Variants in COX10 observed in about 807,000 individuals in gnomAD.
COX10 encodes the protein protoheme IX farnesyltransferase, mitochondrial.
COX10 carries 27 observed loss-of-function variants against 37.3 expected under a neutral mutation model. The ratio of observed to expected loss-of-function variants is 0.72; its 90% CI spans 0.53 to 1.00. COX10 has a LOEUF of 1.00. Ranked by LOEUF, COX10 falls within the 50% of genes least tolerant of loss-of-function variation. The pLI is 0.00. For missense variants in COX10, 475 were observed against 563.2 expected (o/e 0.84, Z 1.59); for synonymous variants, 222 against 229.1 (o/e 0.97, Z 0.28).
In COX10 at chr17:14,075,812, A is replaced by G. The variant is rs546015508; in HGVS notation, c.178-923A>G. Among the ~76,000 whole-genome samples the G allele has an allele frequency of 2.6e-3, 396 of 151,660 alleles. 2 individuals are homozygous for G. Among genetic ancestry groups the G allele is most frequent in the African/African-American group, 9.1e-3 (375 of 41,342 alleles). On this transcript the variant is annotated intron_variant, in intron 2 of 6. Coordinates refer to ENST00000261643, the MANE Select transcript of COX10 (RefSeq NM_001303.4). ...GAGACCATCCTGGCTAACACGGTGAAACCCTGTCTCTACTAAAAAGTAAAA... is the reference window on the plus strand; with the variant it reads ...GAGACCATCCTGGCTAACACGGTGAGACCCTGTCTCTACTAAAAAGTAAAA...
At chr17:14,071,186 C>T (rs967526826) in intron 1 of COX10, among the ~76,000 whole-genome samples, 5 of 152,100 alleles carry the variant, frequency 3.3e-5, no homozygotes, top group African/African-American at 7.2e-5. Context: ...GAGGTTTTTC[C>T]AGCATGCATC....
In COX10 at chr17:14,207,385, C is replaced by T. The variant is rs1906744174; in HGVS notation, c.*172C>T. ...TTTTTTAAATATTACCCAAAATGCT[C>T]CCCAAATAAGAAATGCATCAGCTCA... On this transcript the variant is annotated 3_prime_UTR_variant, in exon 7 of 7. Transcript: ENST00000261643. 2 of 850,564 alleles carry T rather than the reference C, an allele frequency of 2.4e-6. No homozygotes were observed. The highest frequency in any genetic ancestry group is 2.1e-5 in the South Asian group (1 of 47,812). The allele number at this position is 850,564 out of a possible 1,614,324, so 52.7% of individuals were successfully genotyped here.
intron 3 of COX10, among the ~76,000 whole-genome samples, chr17:14,093,126 T>C (rs1314164055): frequency 1.3e-5 from 2 of 152,228 alleles, no homozygotes; most frequent in Non-Finnish European, 2.9e-5. Context: ...ATTACAAGGG[T>C]AATTTGAAAT....
chr17:14,079,898 G>T (rs1436892162), intron 3 of COX10, among the ~76,000 whole-genome samples: 1 of 151,240 alleles, frequency 6.6e-6, no homozygotes, highest in Admixed American at 6.6e-5. Flanking sequence ...ACACAGTTTT[G>T]CAACATGCCA....
chr17:14,081,960 T>C (rs1033622922), intron 3 of COX10, among the ~76,000 whole-genome samples: 17 of 152,098 alleles, frequency 1.1e-4, no homozygotes, highest in African/African-American at 3.4e-4. Context: ...ATAAGTGGAA[T>C]TTGAGTTGCT....
intron 3 of COX10, among the ~76,000 whole-genome samples, chr17:14,080,564 C>G (rs530023705): frequency 3.9e-5 from 6 of 152,316 alleles, no homozygotes; most frequent in East Asian, 1.9e-4. Context: ...CATAAGCAGT[C>G]TTTACCAGTT....
chr17:14,073,245 A>T (rs534230901), intron 1 of COX10, among the ~76,000 whole-genome samples: 9 of 152,186 alleles, frequency 5.9e-5, no homozygotes, highest in Non-Finnish European at 1.3e-4. Flanking sequence ...ATGTAAGATG[A>T]TGAATGTAAG....
At chr17:14,156,208 C>A (rs1485306960) in intron 4 of COX10, among the ~76,000 whole-genome samples, 1 of 152,182 alleles carries the variant, frequency 6.6e-6, no homozygotes, top group Admixed American at 6.5e-5. Flanking sequence ...TCAGGTTGCA[C>A]AGCCACTATT....
chr17:14,171,067 G>A (rs1242338654), intron 5 of COX10, among the ~76,000 whole-genome samples: 4 of 152,002 alleles, frequency 2.6e-5, no homozygotes, highest in Non-Finnish European at 5.9e-5. Context: ...AAAAACACAC[G>A]CTGAATAAGC....
At position 14,206,904 on chromosome 17, in the gene COX10, C is replaced by T; in HGVS notation, c.1023C>T (p.Gly341=). 6.2e-7 allele frequency: 1 copy of T among 1,613,966 alleles called. No homozygotes were observed. Among genetic ancestry groups the T allele is most frequent in the Middle Eastern group, 1.7e-4 (1 of 6,060 alleles). The part of the protein sequence containing the change: ...WGLREDYSRG[G]YCMMSVTHPG... ...TCCGTGAAGACTACTCCCGGGGCGG[C>T]TACTGCATGATGTCGGTCACCCACC... is the stretch of plus-strand genomic sequence containing the variant. The change falls in exon 7 of 7, where the codon GGC becomes GGT. Residue 341 remains glycine, a synonymous_variant. Coordinates refer to ENST00000261643, the MANE Select transcript of COX10 (RefSeq NM_001303.4).
At chr17:14,079,501 G>A (rs939678474) in intron 3 of COX10, among the ~76,000 whole-genome samples, 2 of 152,124 alleles carry the variant, frequency 1.3e-5, no homozygotes, top group Admixed American at 6.5e-5. Context: ...TATTAAGATC[G>A]AAGAGTTAGG....
At chr17:14,140,246 CAA>C (rs1204936325) in intron 4 of COX10, among the ~76,000 whole-genome samples, 1 of 151,758 alleles carries the variant, frequency 6.6e-6, no homozygotes, top group East Asian at 1.9e-4. Flanking sequence ...ATTTTTTTGA[CAA>C]GAGAACAAAA....
At chr17:14,099,035 G>A (rs1480990522) in intron 3 of COX10, among the ~76,000 whole-genome samples, 2 of 152,112 alleles carry the variant, frequency 1.3e-5, no homozygotes, top group Non-Finnish European at 2.9e-5. Flanking sequence ...GAATGTGTGT[G>A]TCTTCATGAC....
intron 2 of COX10, among the ~76,000 whole-genome samples, chr17:14,076,292 C>T (rs966549910): frequency 6.6e-6 from 1 of 151,686 alleles, no homozygotes; most frequent in Non-Finnish European, 1.5e-5. Flanking sequence ...TTTGTAGAGA[C>T]ATTCCCTATG....
At chr17:14,099,883 G>A (rs1267103064) in intron 3 of COX10, among the ~76,000 whole-genome samples, 1 of 151,964 alleles carries the variant, frequency 6.6e-6, no homozygotes, top group African/African-American at 2.4e-5. Context: ...AGGCCAGCTA[G>A]CTTCATCACC....
chr17:14,151,549 A>G (rs1228782595), intron 4 of COX10, among the ~76,000 whole-genome samples: 3 of 151,372 alleles, frequency 2.0e-5, no homozygotes, highest in African/African-American at 4.9e-5. Context: ...ACACACACAC[A>G]CACACACACA....
intron 4 of COX10, among the ~76,000 whole-genome samples, chr17:14,150,659 C>T (rs1597523013): frequency 6.6e-6 from 1 of 152,222 alleles, no homozygotes; most frequent in Non-Finnish European, 1.5e-5. Flanking sequence ...TGTATAGTTC[C>T]AGGGAAAGAC....
chr17:14,133,728 A>G (rs765850793), intron 4 of COX10, among the ~76,000 whole-genome samples: 1 of 151,602 alleles, frequency 6.6e-6, no homozygotes. Context: ...TTCAGTCTGG[A>G]TGATGAAAAA....
intron 4 of COX10, among the ~76,000 whole-genome samples, chr17:14,110,115 G>A (rs1915979044): frequency 6.6e-6 from 1 of 152,072 alleles, no homozygotes; most frequent in Admixed American, 6.6e-5. Context: ...AAAATTACAA[G>A]AAAGGCACAA....
Sources: gnomAD v4.1 joint callset for allele counts (sites outside exome capture counted in the v4.1 genomes callset) on GRCh38, gnomAD v4.1.1 for gene constraint, MANE v1.5 for transcripts, NCBI Gene and HGNC (gene_info 2026-07-23, HGNC 2026-07-21) for gene names.